MYOCD: variants seen among roughly 807,000 people sequenced by gnomAD.
The protein encoded by MYOCD is myocardin.
In MYOCD, 32 loss-of-function variants were observed where a neutral mutation model predicts 96.1. That is an observed-to-expected ratio of 0.33 (90% confidence interval 0.25 to 0.45). The LOEUF (loss-of-function observed/expected upper bound fraction) is 0.45. Ranked by LOEUF, MYOCD falls within the 20% of genes least tolerant of loss-of-function variation. The pLI, the probability that MYOCD is intolerant of heterozygous loss-of-function variation, is 1.00. For synonymous variants in MYOCD, 469 were observed against 469.0 expected (o/e 1.00, Z 0.00); for missense variants, 1,133 against 1,200.6 (o/e 0.94, Z 0.83).
chr17:12,745,317 C>G (rs750978939), intron 8 of MYOCD, among the ~76,000 whole-genome samples: 5 of 152,136 alleles, frequency 3.3e-5, no homozygotes, highest in African/African-American at 1.2e-4. Flanking sequence ...TCAAGCGATT[C>G]TCCTGCCTCA....
At chr17:12,711,078 G>T (rs1567582541) in intron 2 of MYOCD, among the ~76,000 whole-genome samples, 1 of 152,172 alleles carries the variant, frequency 6.6e-6, no homozygotes, top group Non-Finnish European at 1.5e-5. Flanking sequence ...TCAGACTGTT[G>T]AGACTATTAT....
rs570460130 is a variant in MYOCD, at chr17:12,721,444, G to A, written c.254-1403G>A. On this transcript the variant is annotated intron_variant, in intron 4 of 13. Coordinates refer to ENST00000425538, the MANE Select transcript of MYOCD (RefSeq NM_001146312.3). ...AAGCGAAAGAGATCTATAAGAACAG[G>A]AAGAGTTAGGAAAGCCTTATGCTGG... 2.0e-5 allele frequency among the ~76,000 whole-genome samples: 3 copies of A among 152,316 alleles called. No homozygotes were observed. The South Asian group carries it at 6.2e-4, about 32-fold the overall frequency.
Position 12,763,065 on chromosome 17 carries a change from G to C in MYOCD, c.2390-8G>C. ...GATTTAACAAGTCACATCGTGTATT[G>C]CCCACAGAAATGCCAGCAGACGCTA... On this transcript the variant is annotated splice_polypyrimidine_tract_variant and splice_region_variant and intron_variant, in intron 13 of 13. Coordinates refer to ENST00000425538, the MANE Select transcript of MYOCD (RefSeq NM_001146312.3). The C allele has an allele frequency of 6.3e-7, 1 of 1,599,336 alleles. No homozygotes were observed. The highest frequency in any genetic ancestry group is 8.5e-7 in the Non-Finnish European group (1 of 1,173,728).
chr17:12,718,017 T>C (rs2150685533), intron 4 of MYOCD, among the ~76,000 whole-genome samples: 1 of 152,270 alleles, frequency 6.6e-6, no homozygotes, highest in South Asian at 2.1e-4. Context: ...ATAAGTTGCC[T>C]TCCCTGAGAC....
At chr17:12,688,587 T>G (rs923472809) in intron 1 of MYOCD, among the ~76,000 whole-genome samples, 12 of 147,296 alleles carry the variant, frequency 8.1e-5, no homozygotes, top group Non-Finnish European at 1.5e-4. Flanking sequence ...CGTCCCTCCT[T>G]CCTTCCATCT....
intron 4 of MYOCD, among the ~76,000 whole-genome samples, chr17:12,721,204 A>G (rs2031828223): frequency 6.6e-6 from 1 of 152,108 alleles, no homozygotes. Flanking sequence ...TTGAATTAAA[A>G]TAACAGGGTG....
At chr17:12,745,466 C>G (rs1164919391) in intron 8 of MYOCD, among the ~76,000 whole-genome samples, 1 of 152,158 alleles carries the variant, frequency 6.6e-6, no homozygotes, top group African/African-American at 2.4e-5. Flanking sequence ...GCCTCGGCCT[C>G]CCAAAGTGCT....
intron 1 of MYOCD, among the ~76,000 whole-genome samples, chr17:12,703,688 C>T (rs554822648): frequency 5.9e-5 from 9 of 152,184 alleles, no homozygotes; most frequent in Non-Finnish European, 8.8e-5. Flanking sequence ...TATTGTCACA[C>T]GAATCCCTGA....
At position 12,745,910 on chromosome 17, in the gene MYOCD, G is replaced by C. The variant is rs747896730; in HGVS notation, c.972-9G>C. 8.1e-5 allele frequency: 130 copies of C among 1,613,214 alleles called. No individual in the cohort carries two copies. Among genetic ancestry groups the C allele is most frequent in the Non-Finnish European group, 9.9e-5 (117 of 1,179,820 alleles). Reference sequence around the variant, plus strand: ...TTGTACTTGAAATGCCTCTTTGTTTGTTTTTTAGGGAACCAAATGAACAGA... The same window carrying C: ...TTGTACTTGAAATGCCTCTTTGTTTCTTTTTTAGGGAACCAAATGAACAGA... On this transcript the variant is annotated splice_polypyrimidine_tract_variant and intron_variant, in intron 8 of 13. Coordinates refer to ENST00000425538, the MANE Select transcript of MYOCD (RefSeq NM_001146312.3).
At chr17:12,716,252 G>A (rs2031636859) in intron 3 of MYOCD, among the ~76,000 whole-genome samples, 1 of 152,124 alleles carries the variant, frequency 6.6e-6, no homozygotes, top group South Asian at 2.1e-4. Flanking sequence ...GGAAGAGGAG[G>A]GATCTGCAAC....
chr17:12,724,074 C>T (rs2150691632), intron 5 of MYOCD, among the ~76,000 whole-genome samples: 1 of 152,218 alleles, frequency 6.6e-6, no homozygotes, highest in East Asian at 1.9e-4. Flanking sequence ...TCTACTCTCT[C>T]CCTCCCCACT....
In MYOCD at chr17:12,765,104, A is replaced by G. The variant is rs1001584635; in HGVS notation, c.*1460A>G. On this transcript the variant is annotated 3_prime_UTR_variant, in exon 14 of 14. Transcript: ENST00000425538. ...CAGAATTGCGCATTGAAAACGATGG[A>G]AGGAAAAAGACAATGGTCTAATGTG... The G allele has an allele frequency of 1.3e-5, 2 of 152,154 alleles. No homozygotes were observed. The highest frequency in any genetic ancestry group is 6.5e-5 in the Admixed American group (1 of 15,274). The allele number at this position is 152,154 out of a possible 1,614,324, so 9.4% of individuals were successfully genotyped here.
chr17:12,690,552 A>G (rs2030395922), intron 1 of MYOCD, among the ~76,000 whole-genome samples: 1 of 152,220 alleles, frequency 6.6e-6, no homozygotes, highest in Admixed American at 6.5e-5. Flanking sequence ...GTAAGAACAT[A>G]TTGAAAAAAA....
intron 1 of MYOCD, among the ~76,000 whole-genome samples, chr17:12,689,119 G>T (rs946655864): frequency 6.6e-6 from 1 of 151,702 alleles, no homozygotes; most frequent in African/African-American, 2.4e-5. Context: ...TCTTTTGTCT[G>T]CTCCCTTCTT....
At position 12,753,349 on chromosome 17, in the gene MYOCD, A is replaced by T; in HGVS notation, c.2058+3A>T. The stretch of plus-strand genomic sequence containing the variant: ...GCAGCCAGGTGTGCACTGCACAGGT[A>T]AGAGCACCTTGCGCCATGCCTGGTG... On this transcript the variant is annotated splice_donor_region_variant and intron_variant, in intron 10 of 13. Coordinates refer to ENST00000425538, the MANE Select transcript of MYOCD (RefSeq NM_001146312.3). 1 of 1,559,002 alleles carries T rather than the reference A, an allele frequency of 6.4e-7. No homozygotes were observed. The highest frequency in any genetic ancestry group is 8.7e-7 in the Non-Finnish European group (1 of 1,152,688).
chr17:12,711,929 T>TC (rs1245476531), intron 2 of MYOCD, among the ~76,000 whole-genome samples: 1 of 150,428 alleles, frequency 6.6e-6, no homozygotes, highest in East Asian at 1.9e-4. Context: ...TTTTTCTTTT[T>TC]TTTTTTTTTT....
At chr17:12,736,859 C>T (rs1312756518) in intron 6 of MYOCD, among the ~76,000 whole-genome samples, 3 of 152,224 alleles carry the variant, frequency 2.0e-5, no homozygotes, top group African/African-American at 7.2e-5. Context: ...AATTCAGCCC[C>T]AACCCAACCA....
rs372784378 is a variant in MYOCD, at chr17:12,690,635, T to G, written c.56-14493T>G. On this transcript the variant is annotated intron_variant, in intron 1 of 13. Transcript: ENST00000425538. ...ATGTAGCATATTTGCTTATTTCGAT[T>G]TCTCAAACATACTTCTTTTCTCAGA... Among the ~76,000 whole-genome samples, 38 of 152,314 alleles carry G rather than the reference T, an allele frequency of 2.5e-4. No homozygotes were observed. In the South Asian group the frequency reaches 7.5e-3, roughly 30 times the overall value.
intron 1 of MYOCD, chr17:12,672,203 G>T (rs577734895): frequency 6.6e-6 from 1 of 152,320 alleles, no homozygotes; most frequent in South Asian, 2.1e-4. Flanking sequence ...TGAAAAGAAG[G>T]AAATTAGTGA....
Sources: gnomAD v4.1 joint callset for allele counts (sites outside exome capture counted in the v4.1 genomes callset) on GRCh38, gnomAD v4.1.1 for gene constraint, MANE v1.5 for transcripts, NCBI Gene and HGNC (gene_info 2026-07-23, HGNC 2026-07-21) for gene names.